The following COL4A2 variants were observed in gnomAD, a reference collection of about 807,000 sequenced individuals.
The protein encoded by COL4A2 is collagen type IV alpha 2 chain.
A neutral mutation model predicts 200.2 loss-of-function variants in COL4A2; 99 were observed. The ratio of observed to expected loss-of-function variants is 0.49; its 90% CI spans 0.42 to 0.58. The LOEUF is 0.58. Ranked by LOEUF, COL4A2 falls within the 20% of genes least tolerant of loss-of-function variation. COL4A2 has a pLI of 0.00. For synonymous variants in COL4A2, 897 were observed against 900.6 expected, an observed-to-expected ratio of 1.00 and a Z score of 0.07; for missense variants, 1,950 against 2,314.1, an observed-to-expected ratio of 0.84 and a Z score of 3.23.
At chr13:110,392,487 CTG>C (rs1879025513) in intron 4 of COL4A2, among the ~76,000 whole-genome samples, 1 of 152,186 alleles carries the variant, frequency 6.6e-6, no homozygotes, top group African/African-American at 2.4e-5. Context: ...CACAGCAGTG[CTG>C]TGAGTCCGCG....
At chr13:110,335,537 G>T (rs1191294075) in intron 3 of COL4A2, among the ~76,000 whole-genome samples, 4 of 152,134 alleles carry the variant, frequency 2.6e-5, no homozygotes, top group Admixed American at 2.6e-4. Context: ...ATGGAACTGT[G>T]AGTCCTTTAA....
At chr13:110,461,290 T>G (rs9515222) in intron 22 of COL4A2, among the ~76,000 whole-genome samples, 87,642 of 152,164 alleles carry the variant, frequency 0.58, 26,080 homozygotes, top group Middle Eastern at 0.73. Flanking sequence ...AACGACTGTG[T>G]TTTAGAGGAA....
intron 4 of COL4A2, among the ~76,000 whole-genome samples, chr13:110,388,085 A>T (rs1427411866): frequency 6.6e-6 from 1 of 152,232 alleles, no homozygotes; most frequent in Non-Finnish European, 1.5e-5. Context: ...TTTAGAGGGA[A>T]ACGCCAAAAG....
At chr13:110,482,701 G>T in intron 32 of COL4A2, 42 bp downstream of exon 32, 2 of 1,594,028 alleles carry the variant, frequency 1.3e-6, no homozygotes, top group Non-Finnish European at 1.7e-6. Flanking sequence ...GGTCATGGTG[G>T]CATCCTCCTT....
At chr13:110,395,673 A>G (rs576418136) in intron 4 of COL4A2, among the ~76,000 whole-genome samples, 2 of 152,344 alleles carry the variant, frequency 1.3e-5, no homozygotes, top group South Asian at 2.1e-4. Flanking sequence ...GGCAGGGCGC[A>G]GTGGCTCATG....
intron 4 of COL4A2, among the ~76,000 whole-genome samples, chr13:110,392,032 G>T (rs374789157): frequency 6.6e-6 from 1 of 152,164 alleles, no homozygotes; most frequent in Non-Finnish European, 1.5e-5. Context: ...GGGTGGATTT[G>T]GAGGGGAGTG....
chr13:110,330,797 A>G (rs1023535134), intron 3 of COL4A2, among the ~76,000 whole-genome samples: 3 of 152,102 alleles, frequency 2.0e-5, no homozygotes, highest in South Asian at 2.1e-4. Context: ...TAGTTTCCAA[A>G]ACAGCAATTA....
chr13:110,447,933 A>T (rs1006970262), intron 18 of COL4A2, among the ~76,000 whole-genome samples: 2 of 152,196 alleles, frequency 1.3e-5, no homozygotes, highest in African/African-American at 4.8e-5. Context: ...ATGGCTTTGC[A>T]TGTCTTCATC....
chr13:110,412,388 C>G (rs1212853544), intron 4 of COL4A2, among the ~76,000 whole-genome samples: 2 of 152,166 alleles, frequency 1.3e-5, no homozygotes, highest in Non-Finnish European at 2.9e-5. Context: ...AAATCTGTGC[C>G]TCCAGCCAAG....
chr13:110,464,643 A>G (rs9555704), intron 24 of COL4A2, among the ~76,000 whole-genome samples: 88,346 of 151,998 alleles, frequency 0.58, 26,386 homozygotes, highest in Middle Eastern at 0.73. Context: ...CTGTGGTGTC[A>G]GTGGAGAGCA....
chr13:110,373,686 G>A (rs935175598), intron 4 of COL4A2, among the ~76,000 whole-genome samples: 1 of 152,274 alleles, frequency 6.6e-6, no homozygotes, highest in South Asian at 2.1e-4. Flanking sequence ...CAAGCCGCAG[G>A]GTGTGAGGAC....
At chr13:110,430,220 A>G (rs1880624930) in intron 8 of COL4A2, 181 bp from the exon 9 acceptor site, 1 of 764,338 alleles carries the variant, frequency 1.3e-6, no homozygotes, top group Non-Finnish European at 1.9e-6. Flanking sequence ...TATTAATATT[A>G]CTAAAATATA....
intron 3 of COL4A2, among the ~76,000 whole-genome samples, chr13:110,312,743 G>C (rs1167345323): frequency 6.6e-6 from 1 of 152,234 alleles, no homozygotes; most frequent in Admixed American, 6.5e-5. Flanking sequence ...CCCAGCCTTG[G>C]CTGATAGAGC....
intron 11 of COL4A2, among the ~76,000 whole-genome samples, chr13:110,433,767 G>A (rs1880770955): frequency 6.6e-6 from 1 of 152,162 alleles, no homozygotes; most frequent in African/African-American, 2.4e-5. Context: ...TTCTATGCAC[G>A]AATCTTAGAG....
intron 40 of COL4A2, among the ~76,000 whole-genome samples, chr13:110,496,523 C>T (rs1302978833): frequency 6.6e-6 from 1 of 151,936 alleles, no homozygotes; most frequent in Non-Finnish European, 1.5e-5. Flanking sequence ...GGATCCAGGA[C>T]AGTCCACCAG....
chr13:110,448,702 G>A (rs1881416604), intron 18 of COL4A2, among the ~76,000 whole-genome samples: 1 of 132,114 alleles, frequency 7.6e-6, no homozygotes, highest in Admixed American at 7.4e-5. Flanking sequence ...TTTCAATTTT[G>A]TGTCTTTTTA....
chr13:110,453,808 C>T (rs770864020), intron 20 of COL4A2, among the ~76,000 whole-genome samples: 5 of 152,196 alleles, frequency 3.3e-5, no homozygotes, highest in Non-Finnish European at 7.3e-5. Flanking sequence ...CCCTGTGAGA[C>T]ACATGGTTTC....
chr13:110,421,397 T>G (rs1423445253), intron 4 of COL4A2, among the ~76,000 whole-genome samples: 1 of 152,182 alleles, frequency 6.6e-6, no homozygotes, highest in Non-Finnish European at 1.5e-5. Context: ...GGTCTATCCG[T>G]ACAGTGGAAT....
At chr13:110,391,566 C>T (rs1878981491) in intron 4 of COL4A2, among the ~76,000 whole-genome samples, 1 of 152,206 alleles carries the variant, frequency 6.6e-6, no homozygotes. Flanking sequence ...GTGAAAAGCA[C>T]AGATTCAGAG....
Sources: gnomAD v4.1 joint callset for allele counts (sites outside exome capture counted in the v4.1 genomes callset) on GRCh38, gnomAD v4.1.1 for gene constraint, MANE v1.5 for transcripts, NCBI Gene and HGNC (gene_info 2026-07-23, HGNC 2026-07-21) for gene names.